Variants in ANKRD44 observed in about 807,000 individuals in gnomAD.
The protein encoded by ANKRD44 is ankyrin repeat domain 44, also known as serine/threonine-protein phosphatase 6 regulatory ankyrin repeat subunit B.
Under a neutral mutation model 116.0 loss-of-function variants are expected in ANKRD44, and 35 were observed. That is an observed-to-expected ratio of 0.30 (90% CI 0.23 to 0.40). The LOEUF (loss-of-function observed/expected upper bound fraction) is 0.40, where lower values mean the gene tolerates loss of function less well. ANKRD44 is among the 10% of genes least tolerant of loss of function. The probability of loss-of-function intolerance (pLI) is 1.00; values close to 1 mark genes in which losing one functional copy is unlikely to be tolerated. For synonymous variants in ANKRD44, 435 were observed against 461.8 expected (o/e 0.94, Z 0.74); for missense variants, 1,014 against 1,242.6 (o/e 0.82, Z 2.77).
In ANKRD44 at chr2:197,186,612, C is replaced by CTTTTTT. The variant is rs149107038; in HGVS notation, c.111+405_111+410dup. ...CCATCACTATGCCCGGCTAATTTTT[C>CTTTTTT]TTTTTTTTTTTTTTTTTTTTTTTTT... On this transcript the variant is annotated intron_variant, in intron 2 of 27. Coordinates refer to ENST00000282272, the MANE Select transcript of ANKRD44 (RefSeq NM_001195144.2). 5.1e-4 allele frequency among the ~76,000 whole-genome samples: 26 copies of CTTTTTT among 50,808 alleles called. 4 individuals are homozygous for CTTTTTT. The highest frequency in any genetic ancestry group is 1.9e-3 in the Admixed American group (5 of 2,672). 33.3% of individuals were successfully genotyped at this position (50,808 alleles called of 152,430 possible). A position where few individuals can be genotyped will look rare whatever the true frequency, so the allele number is the denominator to read the frequency against.
At chr2:197,261,544 G>C (rs976042342) in intron 1 of ANKRD44, among the ~76,000 whole-genome samples, 4 of 100,536 alleles carry the variant, frequency 4.0e-5, no homozygotes, top group Non-Finnish European at 8.1e-5. Context: ...AAAAAAGATA[G>C]ACAATCTTTT....
chr2:196,995,707 A>G (rs1184060776), intron 25 of ANKRD44, among the ~76,000 whole-genome samples: 2 of 152,202 alleles, frequency 1.3e-5, no homozygotes, highest in African/African-American at 4.8e-5. Context: ...TACTGCTAAG[A>G]TAAATTTTAA....
intron 1 of ANKRD44, among the ~76,000 whole-genome samples, chr2:197,303,619 A>C (rs2083979333): frequency 6.6e-6 from 1 of 152,186 alleles, no homozygotes. Context: ...GGTATAAAAG[A>C]TATCCTAGAA....
At chr2:197,226,508 C>CA (rs2081717771) in intron 1 of ANKRD44, among the ~76,000 whole-genome samples, 1 of 152,036 alleles carries the variant, frequency 6.6e-6, no homozygotes, top group Admixed American at 6.6e-5. Context: ...TACCAAAATA[C>CA]AAAAAATTAG....
intron 17 of ANKRD44, among the ~76,000 whole-genome samples, chr2:197,020,994 G>A (rs765742000): frequency 8.6e-5 from 13 of 151,796 alleles, no homozygotes; most frequent in Non-Finnish European, 1.8e-4. Flanking sequence ...TCCCTGCCCT[G>A]TGTCCAAGTG....
At chr2:197,083,700 A>C (rs2077852383) in intron 13 of ANKRD44, among the ~76,000 whole-genome samples, 191 bp from the exon 14 acceptor site, 3 of 152,208 alleles carry the variant, frequency 2.0e-5, no homozygotes, top group African/African-American at 7.2e-5. Context: ...TGGAACTAGA[A>C]GTGTTCTGGA....
chr2:197,029,693 G>A (rs762571812), intron 16 of ANKRD44: 3 of 261,900 alleles, frequency 1.1e-5, no homozygotes, highest in Admixed American at 5.5e-5. Flanking sequence ...TGTCAGATAC[G>A]ATGATGGTTT....
intron 16 of ANKRD44, among the ~76,000 whole-genome samples, chr2:197,056,401 G>A (rs897590823): frequency 6.6e-6 from 1 of 152,060 alleles, no homozygotes; most frequent in African/African-American, 2.4e-5. Flanking sequence ...TTGAAACAGA[G>A]TTACTTTTTC....
At chr2:197,282,112 G>A (rs575835285) in intron 1 of ANKRD44, among the ~76,000 whole-genome samples, 2 of 152,174 alleles carry the variant, frequency 1.3e-5, no homozygotes, top group Admixed American at 6.5e-5. Flanking sequence ...AATTAACCAG[G>A]CATGGTGGTG....
chr2:197,151,437 A>G (rs2079647337), intron 2 of ANKRD44, among the ~76,000 whole-genome samples: 1 of 152,248 alleles, frequency 6.6e-6, no homozygotes, highest in Non-Finnish European at 1.5e-5. Context: ...CACCCCCACT[A>G]TTTTTGAAAA....
At chr2:197,262,095 C>T (rs1388181585) in intron 1 of ANKRD44, among the ~76,000 whole-genome samples, 1 of 152,170 alleles carries the variant, frequency 6.6e-6, no homozygotes, top group Non-Finnish European at 1.5e-5. Context: ...AAAATATTCG[C>T]ACACTGTTAT....
intron 1 of ANKRD44, among the ~76,000 whole-genome samples, chr2:197,204,564 C>T (rs1341092896): frequency 1.3e-5 from 2 of 152,098 alleles, no homozygotes; most frequent in African/African-American, 2.4e-5. Context: ...GAATTTATGT[C>T]CTGTCCAAAG....
Position 196,987,358 on chromosome 2 carries a change from T to C in ANKRD44, c.*2233A>G, listed in dbSNP as rs1220676225. The C allele has an allele frequency of 2.0e-6, 2 of 985,186 alleles. No homozygotes were observed. Among genetic ancestry groups the C allele is most frequent in the African/African-American group, 1.7e-5 (1 of 57,358 alleles). The allele number at this position is 985,186 out of a possible 1,614,324, so 61.0% of individuals were successfully genotyped here. On this transcript the variant is annotated 3_prime_UTR_variant, in exon 28 of 28. Transcript: ENST00000282272. ...ACTCACTGGTATCATATTGCTCTGATAACACTCAAATGAAAAAATACAAAA... is the reference window on the plus strand; with the variant it reads ...ACTCACTGGTATCATATTGCTCTGACAACACTCAAATGAAAAAATACAAAA...
intron 16 of ANKRD44, among the ~76,000 whole-genome samples, chr2:197,034,254 A>G (rs2076766761): frequency 6.6e-6 from 1 of 152,182 alleles, no homozygotes; most frequent in South Asian, 2.1e-4. Context: ...CCAAAGAACC[A>G]GCATTATAAA....
chr2:197,158,618 A>G (rs1436440429), intron 2 of ANKRD44, among the ~76,000 whole-genome samples: 1 of 152,234 alleles, frequency 6.6e-6, no homozygotes, highest in African/African-American at 2.4e-5. Context: ...GTTTGTCATC[A>G]GATAAATGAA....
chr2:197,164,451 G>C (rs757084973), intron 2 of ANKRD44, among the ~76,000 whole-genome samples: 4 of 152,178 alleles, frequency 2.6e-5, no homozygotes, highest in Non-Finnish European at 5.9e-5. Context: ...CCACACTGTG[G>C]GGTCGGGCAG....
intron 1 of ANKRD44, among the ~76,000 whole-genome samples, chr2:197,268,968 A>G (rs1415606898): frequency 6.6e-6 from 1 of 152,198 alleles, no homozygotes; most frequent in Non-Finnish European, 1.5e-5. Flanking sequence ...GGAACCTTAG[A>G]TTACAGCTGG....
At chr2:197,288,138 T>C (rs916086241) in intron 1 of ANKRD44, among the ~76,000 whole-genome samples, 4 of 152,308 alleles carry the variant, frequency 2.6e-5, no homozygotes, top group Middle Eastern at 3.4e-3. Context: ...TCTGGGTCTT[T>C]AGATATGAGA....
intron 17 of ANKRD44, among the ~76,000 whole-genome samples, chr2:197,021,178 T>G (rs1005415635): frequency 6.6e-6 from 1 of 152,236 alleles, no homozygotes. Flanking sequence ...GTGCCACATT[T>G]GCTTAATCCA....
Sources: gnomAD v4.1 joint callset for allele counts (sites outside exome capture counted in the v4.1 genomes callset) on GRCh38, gnomAD v4.1.1 for gene constraint, MANE v1.5 for transcripts, NCBI Gene and HGNC (gene_info 2026-07-23, HGNC 2026-07-21) for gene names.